Variants in CDK14 observed in about 807,000 individuals in gnomAD.
The protein encoded by CDK14 is cyclin dependent kinase 14, also known as cyclin-dependent kinase 14.
Under a neutral mutation model 60.7 loss-of-function variants are expected in CDK14, and 34 were observed. The observed-to-expected ratio is 0.56, with a 90% CI of 0.43 to 0.75. CDK14 has a LOEUF of 0.75. Among genes scored for constraint, CDK14 ranks in the 30% least tolerant of loss-of-function variants. The pLI, the probability that CDK14 is intolerant of heterozygous loss-of-function variation, is 0.00. For synonymous variants in CDK14, 197 were observed against 203.7 expected, an observed-to-expected ratio of 0.97 and a Z score of 0.28; for missense variants, 482 against 564.1, an observed-to-expected ratio of 0.85 and a Z score of 1.47.
intron 9 of CDK14, among the ~76,000 whole-genome samples, chr7:90,978,410 G>A (rs1795136779): frequency 6.6e-6 from 1 of 151,860 alleles, no homozygotes; most frequent in Non-Finnish European, 1.5e-5. Context: ...GAAAACAGGT[G>A]GAAAGAAAAT....
intron 3 of CDK14, among the ~76,000 whole-genome samples, chr7:90,729,663 A>G (rs979848529): frequency 3.3e-5 from 5 of 151,188 alleles, no homozygotes; most frequent in African/African-American, 1.2e-4. Flanking sequence ...TTTAATATAT[A>G]TTAGGTCATT....
At chr7:90,938,097 A>G (rs1793810836) in intron 8 of CDK14, among the ~76,000 whole-genome samples, 1 of 152,246 alleles carries the variant, frequency 6.6e-6, no homozygotes, top group South Asian at 2.1e-4. Flanking sequence ...CTCAAATTGT[A>G]GATCCTAAAT....
intron 13 of CDK14, among the ~76,000 whole-genome samples, chr7:91,114,001 A>G (rs1242583605): frequency 6.6e-6 from 1 of 152,208 alleles, no homozygotes; most frequent in Non-Finnish European, 1.5e-5. Context: ...TACAACAGCT[A>G]TCCTCAATTT....
intron 14 of CDK14, among the ~76,000 whole-genome samples, chr7:91,150,945 T>C (rs1289736863): frequency 6.6e-6 from 1 of 152,242 alleles, no homozygotes; most frequent in African/African-American, 2.4e-5. Context: ...ACAAGATTCC[T>C]ATTTCTTATT....
chr7:90,902,422 C>T (rs1245892473), intron 7 of CDK14, among the ~76,000 whole-genome samples: 3 of 152,032 alleles, frequency 2.0e-5, no homozygotes, highest in African/African-American at 7.2e-5. Flanking sequence ...CAGAAAAATG[C>T]TCAGAATAGA....
chr7:91,121,608 G>T (rs1799784175), intron 14 of CDK14, among the ~76,000 whole-genome samples: 1 of 152,150 alleles, frequency 6.6e-6, no homozygotes, highest in South Asian at 2.1e-4. Context: ...TGGCTTTGCA[G>T]CAGAAAGCAA....
At chr7:90,685,649 ATTTTTTTTTT>A (rs66912750) in intron 2 of CDK14, among the ~76,000 whole-genome samples, 17 of 101,690 alleles carry the variant, frequency 1.7e-4, no homozygotes, top group Admixed American at 3.5e-4. Context: ...CAGCCAATTA[ATTTTTTTTTT>A]TTTTTTTTTT....
chr7:90,709,881 C>T (rs939247916), intron 2 of CDK14: 6 of 1,331,090 alleles, frequency 4.5e-6, no homozygotes, highest in Non-Finnish European at 5.8e-6. Flanking sequence ...ATGAGCCTGG[C>T]CTGGTGCAAA....
At chr7:90,765,439 A>T (rs1348336663) in intron 4 of CDK14, among the ~76,000 whole-genome samples, 2 of 152,158 alleles carry the variant, frequency 1.3e-5, no homozygotes, top group Non-Finnish European at 2.9e-5. Context: ...CAAAGAGAGA[A>T]GTGAAGAACA....
At chr7:90,622,330 ATGAC>A (rs1402691727) in intron 2 of CDK14, among the ~76,000 whole-genome samples, 2 of 152,198 alleles carry the variant, frequency 1.3e-5, no homozygotes, top group African/African-American at 2.4e-5. Context: ...AAAAAAATAA[ATGAC>A]TGTCTGTGTG....
chr7:91,149,423 G>T lies in CDK14; in HGVS notation c.*28+31215G>T, dbSNP rs148767450. ...CATGCAGGCACACATGGAATTCCAA[G>T]TGTGGAAGCAAATTGCTGATGGACT... On this transcript the variant is annotated intron_variant, in intron 14 of 14. Transcript: ENST00000380050. 1.7e-3 allele frequency among the ~76,000 whole-genome samples: 252 copies of T among 152,246 alleles called. 1 individual carries two copies. Among genetic ancestry groups the T allele is most frequent in the African/African-American group, 4.6e-3 (191 of 41,538 alleles).
intron 4 of CDK14, among the ~76,000 whole-genome samples, chr7:90,754,693 G>A (rs1295152383): frequency 6.6e-6 from 1 of 152,088 alleles, no homozygotes; most frequent in East Asian, 1.9e-4. Flanking sequence ...CAGAATGGGA[G>A]AAAATATTCA....
At chr7:90,930,095 G>GT (rs1304499052) in intron 8 of CDK14, among the ~76,000 whole-genome samples, 3 of 151,622 alleles carry the variant, frequency 2.0e-5, no homozygotes, top group Admixed American at 6.6e-5. Context: ...TTAATAGCTT[G>GT]TTTTTTAGGA....
At chr7:90,847,891 T>A (rs1790516762) in intron 5 of CDK14, among the ~76,000 whole-genome samples, 1 of 152,200 alleles carries the variant, frequency 6.6e-6, no homozygotes, top group African/African-American at 2.4e-5. Flanking sequence ...GTAATTTTTT[T>A]AGGTGTTTAC....
chr7:91,143,069 AC>A (rs1439704025), intron 14 of CDK14, among the ~76,000 whole-genome samples: 2 of 152,234 alleles, frequency 1.3e-5, no homozygotes, highest in Non-Finnish European at 2.9e-5. Context: ...GCAGGGACAG[AC>A]CTCATAAAGT....
chr7:91,062,054 C>G (rs1020524363), intron 11 of CDK14, among the ~76,000 whole-genome samples: 2 of 152,216 alleles, frequency 1.3e-5, no homozygotes, highest in African/African-American at 2.4e-5. Flanking sequence ...CCACCCAGTT[C>G]GAGCTTCCTG....
rs1491345959 is a variant in CDK14, at chr7:90,866,273, C to CACAG, written c.639+3005_639+3006insCAGA. Reference sequence around the variant, plus strand: ...ACACACACACACACACACACACACACAGAACTTTGTTAGCAAGTTCTAAAA... The same window carrying CACAG: ...ACACACACACACACACACACACACACACAGAGAACTTTGTTAGCAAGTTCTAAAA... On this transcript the variant is annotated intron_variant, in intron 6 of 14. Coordinates refer to ENST00000380050, the MANE Select transcript of CDK14 (RefSeq NM_001287135.2). Among the ~76,000 whole-genome samples, 350 of 148,444 alleles carry CACAG rather than the reference C, an allele frequency of 2.4e-3. 1 individual carries two copies. Among genetic ancestry groups the CACAG allele is most frequent in the South Asian group, 0.014 (65 of 4,590 alleles).
chr7:91,110,097 A>G (rs960057613), intron 12 of CDK14, among the ~76,000 whole-genome samples: 1 of 152,282 alleles, frequency 6.6e-6, no homozygotes, highest in Non-Finnish European at 1.5e-5. Context: ...AAGATATCAT[A>G]CATGGATTCC....
At chr7:90,719,417 T>C (rs1038294901) in intron 2 of CDK14, among the ~76,000 whole-genome samples, 13 of 152,308 alleles carry the variant, frequency 8.5e-5, no homozygotes, top group African/African-American at 2.9e-4. Flanking sequence ...TCACTTGAAA[T>C]GAATGCCAAC....
Sources: allele counts gnomAD v4.1 joint callset (sites outside exome capture counted in the v4.1 genomes callset), GRCh38; gene constraint gnomAD v4.1.1; transcripts MANE v1.5; gene names NCBI Gene and HGNC (gene_info 2026-07-23, HGNC 2026-07-21).